Variants in VAV3 observed in about 807,000 individuals in gnomAD.
VAV3 encodes the protein guanine nucleotide exchange factor VAV3.
VAV3 carries 94 observed loss-of-function variants against 131.2 expected under a neutral mutation model. The observed-to-expected ratio is 0.72, with a 90% CI of 0.61 to 0.85. The LOEUF is 0.85. Ranked by LOEUF, VAV3 falls within the 40% of genes least tolerant of loss-of-function variation. VAV3 has a pLI of 0.00. For missense variants in VAV3, 939 were observed against 1,002.7 expected, an observed-to-expected ratio of 0.94 and a Z score of 0.86; for synonymous variants, 349 against 342.0, an observed-to-expected ratio of 1.02 and a Z score of -0.22.
intron 2 of VAV3, among the ~76,000 whole-genome samples, chr1:107,850,521 T>C (rs1242349588): frequency 7.1e-6 from 1 of 139,972 alleles, no homozygotes; most frequent in Non-Finnish European, 1.5e-5. Flanking sequence ...AGCTGAACAG[T>C]GAGAACAGAT....
intron 3 of VAV3, 60 bp from the exon 4 acceptor site, chr1:107,777,356 T>A: frequency 8.1e-6 from 12 of 1,484,068 alleles, no homozygotes; most frequent in Non-Finnish European, 1.1e-5. Context: ...CGAGCAACAA[T>A]CAGGCTGCGC....
intron 1 of VAV3, among the ~76,000 whole-genome samples, chr1:107,924,110 T>C (rs1673041218): frequency 6.6e-6 from 1 of 152,138 alleles, no homozygotes; most frequent in African/African-American, 2.4e-5. Context: ...TAATTCCATA[T>C]TCTGGAGAAG....
chr1:107,724,430 A>T (rs932449559), intron 15 of VAV3, among the ~76,000 whole-genome samples: 1 of 152,128 alleles, frequency 6.6e-6, no homozygotes, highest in South Asian at 2.1e-4. Context: ...CTTTTATTCA[A>T]TAAGTGTTTA....
At chr1:107,951,732 C>G (rs980074268) in intron 1 of VAV3, among the ~76,000 whole-genome samples, 1 of 151,908 alleles carries the variant, frequency 6.6e-6, no homozygotes, top group Non-Finnish European at 1.5e-5. Context: ...CTCAACATTA[C>G]TGATCTTCAG....
intron 2 of VAV3, among the ~76,000 whole-genome samples, chr1:107,823,028 T>C (rs1168660995): frequency 1.3e-5 from 2 of 152,174 alleles, no homozygotes; most frequent in Non-Finnish European, 2.9e-5. Context: ...TAGGGAAGAC[T>C]GTGGGAATGG....
chr1:107,859,242 T>A (rs1040901605), intron 2 of VAV3, among the ~76,000 whole-genome samples: 1 of 152,068 alleles, frequency 6.6e-6, no homozygotes, highest in African/African-American at 2.4e-5. Flanking sequence ...AGTTCATTAT[T>A]TTATTTTTTG....
chr1:107,952,889 G>A (rs1443183341), intron 1 of VAV3, among the ~76,000 whole-genome samples: 2 of 152,094 alleles, frequency 1.3e-5, no homozygotes, highest in Non-Finnish European at 2.9e-5. Context: ...AGAAAGTAGA[G>A]GGGCTATAAA....
intron 15 of VAV3, among the ~76,000 whole-genome samples, chr1:107,714,131 C>G (rs1570806972): frequency 6.6e-6 from 1 of 152,172 alleles, no homozygotes; most frequent in South Asian, 2.1e-4. Context: ...CAAAGGAGAC[C>G]TGAAGCTGTC....
At chr1:107,705,354 GA>G (rs376720993) in intron 15 of VAV3, among the ~76,000 whole-genome samples, 5,144 of 129,366 alleles carry the variant, frequency 0.04, 268 homozygotes, top group African/African-American at 0.13. Context: ...AACCTGCCTG[GA>G]AAAAAAAAAA....
chr1:107,954,045 G>T (rs562803385), intron 1 of VAV3, among the ~76,000 whole-genome samples: 1 of 152,204 alleles, frequency 6.6e-6, no homozygotes, highest in African/African-American at 2.4e-5. Flanking sequence ...TGCTGTTCAT[G>T]GTTCTATCCA....
At chr1:107,713,805 A>T (rs1198981542) in intron 15 of VAV3, among the ~76,000 whole-genome samples, 1 of 152,128 alleles carries the variant, frequency 6.6e-6, no homozygotes, top group East Asian at 1.9e-4. Context: ...ACTCAGTAAA[A>T]CCAATTCTAT....
In VAV3 at chr1:107,784,324, A is replaced by G. The variant is rs76779493; in HGVS notation, c.322-4832T>C. 3.2e-3 allele frequency among the ~76,000 whole-genome samples: 483 copies of G among 152,178 alleles called. 2 individuals carry two copies. The highest frequency in any genetic ancestry group is 0.011 in the African/African-American group (449 of 41,520). On this transcript the variant is annotated intron_variant, in intron 2 of 26. Transcript: ENST00000370056. The stretch of plus-strand genomic sequence containing the variant: ...AGAGTCATGTCATATGTATACATCT[A>G]CTTTATTCATTTTAGTGCTGTGTAA...
intron 3 of VAV3, among the ~76,000 whole-genome samples, chr1:107,779,040 A>G (rs1415085252): frequency 6.6e-6 from 1 of 152,150 alleles, no homozygotes; most frequent in Non-Finnish European, 1.5e-5. Flanking sequence ...TAAACTCCTA[A>G]AAGCTATGAG....
At chr1:107,852,921 C>T (rs1669292962) in intron 2 of VAV3, among the ~76,000 whole-genome samples, 1 of 152,026 alleles carries the variant, frequency 6.6e-6, no homozygotes, top group Admixed American at 6.6e-5. Flanking sequence ...TTTCACACCA[C>T]CTTTATCAAT....
intron 15 of VAV3, among the ~76,000 whole-genome samples, chr1:107,717,800 C>T (rs906749505): frequency 2.0e-5 from 3 of 152,038 alleles, no homozygotes; most frequent in Admixed American, 1.3e-4. Flanking sequence ...CCTTATTAAT[C>T]TTCTGTCTCG....
chr1:107,940,795 A>T (rs1242336406), intron 1 of VAV3, among the ~76,000 whole-genome samples: 1 of 152,158 alleles, frequency 6.6e-6, no homozygotes, highest in Non-Finnish European at 1.5e-5. Context: ...AGAGAGACAA[A>T]GTAGAAAGGG....
chr1:107,721,424 G>A (rs1661491059), intron 15 of VAV3, among the ~76,000 whole-genome samples: 2 of 152,118 alleles, frequency 1.3e-5, no homozygotes, highest in South Asian at 2.1e-4. Context: ...CACTTGAGAT[G>A]GAAGGAATGG....
At chr1:107,678,813 G>C (rs959801166) in intron 19 of VAV3, among the ~76,000 whole-genome samples, 1 of 151,902 alleles carries the variant, frequency 6.6e-6, no homozygotes, top group Non-Finnish European at 1.5e-5. Context: ...TTGCTTTCTT[G>C]TATGTATTGT....
At position 107,692,849 on chromosome 1, in the gene VAV3, G is replaced by A. The variant is rs74683142; in HGVS notation, c.1706-4443C>T. Among the ~76,000 whole-genome samples, 1,419 of 152,300 alleles carry A rather than the reference G, an allele frequency of 9.3e-3. 10 individuals are homozygous for A. The highest frequency in any genetic ancestry group is 0.045 in the South Asian group (215 of 4,828). On this transcript the variant is annotated intron_variant, in intron 17 of 26. Transcript: ENST00000370056. ...TTGCATTCTCACTAAAGGAAAAGATGCATTATACCAAAGTCGTTTGCTCCA... is the reference window on the plus strand; with the variant it reads ...TTGCATTCTCACTAAAGGAAAAGATACATTATACCAAAGTCGTTTGCTCCA...
Sources: gnomAD v4.1 joint callset for allele counts (sites outside exome capture counted in the v4.1 genomes callset) on GRCh38, gnomAD v4.1.1 for gene constraint, MANE v1.5 for transcripts, NCBI Gene and HGNC (gene_info 2026-07-23, HGNC 2026-07-21) for gene names.